ZNF565: variants seen among roughly 807,000 people sequenced by gnomAD.
ZNF565 encodes the protein zinc finger protein 565.
A neutral mutation model predicts 39.4 loss-of-function variants in ZNF565; 27 were observed. The observed-to-expected ratio is 0.69, with a 90% CI of 0.51 to 0.95. The LOEUF (loss-of-function observed/expected upper bound fraction) is 0.95, where lower values mean the gene tolerates loss of function less well. Ranked by LOEUF, ZNF565 falls within the 40% of genes least tolerant of loss-of-function variation. The pLI, the probability that ZNF565 is intolerant of heterozygous loss-of-function variation, is 0.00. For synonymous variants in ZNF565, 185 were observed against 216.6 expected, an observed-to-expected ratio of 0.85 and a Z score of 1.28; for missense variants, 524 against 621.1, an observed-to-expected ratio of 0.84 and a Z score of 1.66.
chr19:36,200,420 C>A (rs922233665), intron 2 of ZNF565, among the ~76,000 whole-genome samples: 2 of 151,618 alleles, frequency 1.3e-5, no homozygotes, highest in Non-Finnish European at 2.9e-5. Context: ...TTGTCAAAAT[C>A]AAAAAATTTA....
At position 36,235,210 on chromosome 19, in the gene ZNF565, A is replaced by G. The variant is rs919792547; in HGVS notation, c.55+10266T>C. Among the ~76,000 whole-genome samples the G allele has an allele frequency of 3.6e-5, 5 of 140,114 alleles. No homozygotes were observed. The South Asian group carries it at 1.1e-3, about 30-fold the overall frequency. 91.9% of individuals were successfully genotyped at this position (140,114 alleles called of 152,430 possible). A position where few individuals can be genotyped will look rare whatever the true frequency, so the allele number is the denominator to read the frequency against. The stretch of plus-strand genomic sequence containing the variant: ...GATAACGAGCGAAATTCCGTCTCAA[A>G]AAAAAAAAAAGAAGAAAGAAAGATG... On this transcript the variant is annotated intron_variant, in intron 1 of 4. Coordinates refer to the ZNF565 transcript ENST00000355114.
chr19:36,229,940 C>T (rs1977250586), intron 1 of ZNF565, among the ~76,000 whole-genome samples: 1 of 152,080 alleles, frequency 6.6e-6, no homozygotes, highest in Admixed American at 6.6e-5. Context: ...GGCTGGTCTC[C>T]AACTCCTATC....
chr19:36,214,113 A>T (rs71354127), intron 1 of ZNF565, among the ~76,000 whole-genome samples: 20 of 151,948 alleles, frequency 1.3e-4, no homozygotes, highest in Non-Finnish European at 2.8e-4. Flanking sequence ...CCACACAAGC[A>T]GTGGCACCCC....
intron 1 of ZNF565, among the ~76,000 whole-genome samples, chr19:36,205,909 G>C (rs1010651959): frequency 2.0e-5 from 3 of 151,826 alleles, no homozygotes; most frequent in Non-Finnish European, 4.4e-5. Context: ...TTCTAGGAAC[G>C]AGGAAAGAAA....
intron 1 of ZNF565, chr19:36,235,900 AAGGGAC>A: frequency 6.6e-6 from 1 of 152,508 alleles, no homozygotes; most frequent in Non-Finnish European, 1.5e-5. Flanking sequence ...AAGAATCATC[AAGGGAC>A]TTAGTTGGGA....
At chr19:36,227,337 A>G (rs1977115052) in intron 1 of ZNF565, among the ~76,000 whole-genome samples, 2 of 151,048 alleles carry the variant, frequency 1.3e-5, no homozygotes, top group Non-Finnish European at 3.0e-5. Context: ...TGCAGTGAGC[A>G]GAGATCACGT....
upstream of ZNF565, among the ~76,000 whole-genome samples, chr19:36,216,656 A>G (rs776320303): frequency 2.0e-5 from 3 of 152,082 alleles, no homozygotes; most frequent in Admixed American, 6.6e-5. Context: ...ATTCCGTCTC[A>G]ATAATAGTAA....
chr19:36,230,233 C>T (rs895587765), intron 1 of ZNF565, among the ~76,000 whole-genome samples: 4 of 152,008 alleles, frequency 2.6e-5, no homozygotes, highest in African/African-American at 9.7e-5. Flanking sequence ...AGAAGTAAAC[C>T]CATTTACGTT....
At chr19:36,228,992 T>A (rs1977200911) in intron 1 of ZNF565, among the ~76,000 whole-genome samples, 1 of 152,200 alleles carries the variant, frequency 6.6e-6, no homozygotes, top group Non-Finnish European at 1.5e-5. Flanking sequence ...ATTATTCTTC[T>A]TCTTTCACCA....
chr19:36,193,321 T>C (rs1305572472), intron 4 of ZNF565, among the ~76,000 whole-genome samples: 2 of 152,028 alleles, frequency 1.3e-5, no homozygotes, highest in Non-Finnish European at 2.9e-5. Flanking sequence ...CTTCACCGTG[T>C]TGGCCAGGGT....
intron 1 of ZNF565, among the ~76,000 whole-genome samples, chr19:36,228,042 C>G (rs1259505515): frequency 6.6e-6 from 1 of 151,798 alleles, no homozygotes; most frequent in Non-Finnish European, 1.5e-5. Flanking sequence ...CACCCATAAT[C>G]CCAGCTACTC....
At chr19:36,191,929 A>G (rs1975561228) in intron 4 of ZNF565, among the ~76,000 whole-genome samples, 1 of 152,100 alleles carries the variant, frequency 6.6e-6, no homozygotes, top group African/African-American at 2.4e-5. Context: ...ATATTTATCA[A>G]TTACGGATGG....
At chr19:36,192,536 T>C (rs1171528970) in intron 4 of ZNF565, among the ~76,000 whole-genome samples, 2 of 151,502 alleles carry the variant, frequency 1.3e-5, no homozygotes, top group Admixed American at 6.6e-5. Flanking sequence ...AGCTCAGGAG[T>C]TTGAGACCAG....
intron 1 of ZNF565, chr19:36,237,317 T>C: frequency 6.3e-7 from 1 of 1,592,544 alleles, no homozygotes; most frequent in Non-Finnish European, 8.6e-7. Context: ...TCATACTCAC[T>C]AAAAACCCCA....
At chr19:36,236,350 T>G in intron 1 of ZNF565, 1 of 1,441,856 alleles carries the variant, frequency 6.9e-7, no homozygotes, top group Non-Finnish European at 9.3e-7. Context: ...GTAAGAGATG[T>G]GGAAATATCT....
intron 2 of ZNF565, among the ~76,000 whole-genome samples, chr19:36,197,534 G>GGGCA (rs954277634): frequency 2.6e-5 from 4 of 151,928 alleles, no homozygotes; most frequent in African/African-American, 7.2e-5. Flanking sequence ...TTAGAAAGGA[G>GGGCA]GGCAGGCAGG....
intron 4 of ZNF565, among the ~76,000 whole-genome samples, chr19:36,189,372 T>C (rs567928668): frequency 1.3e-5 from 2 of 151,200 alleles, no homozygotes; most frequent in African/African-American, 4.8e-5. Context: ...GGGAGCGCAG[T>C]GGTGTGATCT....
At chr19:36,191,317 T>C (rs1255337963) in intron 4 of ZNF565, among the ~76,000 whole-genome samples, 2 of 147,902 alleles carry the variant, frequency 1.4e-5, no homozygotes, top group South Asian at 4.3e-4. Context: ...TTTCTTTCTT[T>C]TTTTTTTTTT....
chr19:36,219,145 G>C (rs1473089624), upstream of ZNF565, among the ~76,000 whole-genome samples: 2 of 152,028 alleles, frequency 1.3e-5, no homozygotes, highest in Non-Finnish European at 2.9e-5. Context: ...TTTTTAACTG[G>C]AATCAGGAAG....
Sources: gnomAD v4.1 joint callset for allele counts (sites outside exome capture counted in the v4.1 genomes callset) on GRCh38, gnomAD v4.1.1 for gene constraint, MANE v1.5 for transcripts, NCBI Gene and HGNC (gene_info 2026-07-23, HGNC 2026-07-21) for gene names.